The following CNTNAP4 variants were observed in gnomAD, a reference collection of about 807,000 sequenced individuals.
CNTNAP4 encodes contactin associated protein family member 4.
A neutral mutation model predicts 148.4 loss-of-function variants in CNTNAP4; 98 were observed. The ratio of observed to expected loss-of-function variants is 0.66; its 90% CI spans 0.56 to 0.78. The LOEUF is 0.78. Among genes scored for constraint, CNTNAP4 ranks in the 30% least tolerant of loss-of-function variants. The pLI is 0.00. For missense variants in CNTNAP4, 1,935 were observed against 1,565.6 expected (o/e 1.24, Z -3.98); for synonymous variants, 730 against 565.1 (o/e 1.29, Z -4.14).
At chr16:76,302,803 C>T (rs1008084842) in intron 1 of CNTNAP4, among the ~76,000 whole-genome samples, 3 of 146,676 alleles carry the variant, frequency 2.0e-5, no homozygotes, top group Non-Finnish European at 4.6e-5. Context: ...TCTTAGAATT[C>T]TGTCCACTGA....
At chr16:76,473,133 A>G (rs567906827) in intron 10 of CNTNAP4, among the ~76,000 whole-genome samples, 4 of 152,332 alleles carry the variant, frequency 2.6e-5, no homozygotes, top group Non-Finnish European at 5.9e-5. Context: ...TTAAAATTAA[A>G]TAAATCCTGA....
intron 1 of CNTNAP4, among the ~76,000 whole-genome samples, chr16:76,313,220 G>C (rs1190928085): frequency 1.3e-5 from 2 of 152,122 alleles, no homozygotes; most frequent in African/African-American, 4.8e-5. Context: ...ATAAATATAT[G>C]TTCCCTAGAG....
chr16:76,355,547 A>T, intron 3 of CNTNAP4, 36 bp downstream of exon 3: 1 of 1,500,200 alleles, frequency 6.7e-7, no homozygotes, highest in African/African-American at 1.4e-5. Flanking sequence ...TCTCTCGGGG[A>T]AAAAGTATAA....
chr16:76,544,072 C>T (rs532998703), intron 21 of CNTNAP4, among the ~76,000 whole-genome samples: 93 of 152,190 alleles, frequency 6.1e-4, no homozygotes, highest in African/African-American at 2.2e-3. Context: ...GCCTTTGTAT[C>T]GACATGAGTG....
intron 14 of CNTNAP4, among the ~76,000 whole-genome samples, chr16:76,496,038 T>A (rs2082388461): frequency 1.3e-5 from 2 of 151,734 alleles, no homozygotes. Flanking sequence ...TACATCAAGA[T>A]TATATCATAC....
chr16:76,532,438 C>T (rs2084026228), intron 17 of CNTNAP4, among the ~76,000 whole-genome samples: 1 of 152,120 alleles, frequency 6.6e-6, no homozygotes, highest in Non-Finnish European at 1.5e-5. Flanking sequence ...AAAATCAGAA[C>T]AGCTGGAAAT....
intron 3 of CNTNAP4, among the ~76,000 whole-genome samples, chr16:76,415,890 CTT>C (rs1363287843): frequency 1.4e-5 from 2 of 145,482 alleles, no homozygotes; most frequent in Non-Finnish European, 3.0e-5. Flanking sequence ...CAGTTTATGT[CTT>C]TTATTGAGTA....
In CNTNAP4 at chr16:76,553,853, G is replaced by A. The variant is rs184319701; in HGVS notation, c.3679G>A (p.Asp1227Asn). 1.4e-4 allele frequency: 226 copies of A among 1,611,836 alleles called. No homozygotes were observed. In the East Asian group the frequency reaches 4.9e-3, roughly 35 times the overall value. ...AACTGCAGATCATTCTGGAACAATA[G>A]ATGACAGAGAGCCCCTTGCTAATGC... Reference protein sequence around the residue: ...HSFADHSGTIDDREPLANAIK... With the variant: ...HSFADHSGTINDREPLANAIK... The change falls in exon 23 of 24, where the codon GAT becomes AAT. Residue 1227 changes from aspartate (D) to asparagine (N), a missense_variant. By Grantham distance (23) the Asp-to-Asn change is conservative. Coordinates refer to ENST00000611870, the MANE Select transcript of CNTNAP4 (RefSeq NM_033401.5).
chr16:76,285,997 C>T (rs910823730), intron 1 of CNTNAP4, among the ~76,000 whole-genome samples: 10 of 152,014 alleles, frequency 6.6e-5, no homozygotes, highest in Non-Finnish European at 1.0e-4. Flanking sequence ...AGGCTAATAG[C>T]TTTGCTCTAA....
chr16:76,495,865 T>G (rs370265696), intron 14 of CNTNAP4, among the ~76,000 whole-genome samples: 2 of 152,188 alleles, frequency 1.3e-5, no homozygotes, highest in African/African-American at 4.8e-5. Context: ...CAATGCATAC[T>G]GATTACAGTG....
intron 3 of CNTNAP4, among the ~76,000 whole-genome samples, chr16:76,384,933 T>A (rs1423125083): frequency 1.3e-5 from 2 of 152,184 alleles, no homozygotes; most frequent in African/African-American, 2.4e-5. Flanking sequence ...AGTATTTAAA[T>A]TTTTTAAAAA....
intron 13 of CNTNAP4, among the ~76,000 whole-genome samples, chr16:76,494,615 T>C (rs1290998678): frequency 6.6e-6 from 1 of 152,216 alleles, no homozygotes; most frequent in African/African-American, 2.4e-5. Flanking sequence ...ATATGTGAGC[T>C]GCTCTCAATT....
At chr16:76,370,862 A>T (rs1473576562) in intron 3 of CNTNAP4, among the ~76,000 whole-genome samples, 2 of 152,174 alleles carry the variant, frequency 1.3e-5, no homozygotes, top group African/African-American at 4.8e-5. Flanking sequence ...GGAAATTGAG[A>T]TTTAAGATAA....
At chr16:76,450,091 G>A (rs1394989726) in intron 7 of CNTNAP4, among the ~76,000 whole-genome samples, 1 of 151,858 alleles carries the variant, frequency 6.6e-6, no homozygotes, top group Admixed American at 6.6e-5. Context: ...TTTTATGGTT[G>A]ATATTTTAAT....
intron 2 of CNTNAP4, among the ~76,000 whole-genome samples, chr16:76,338,180 A>G (rs1964177232): frequency 1.3e-5 from 2 of 152,182 alleles, no homozygotes; most frequent in South Asian, 2.1e-4. Context: ...ATGTTCAGAG[A>G]TTGCAGTAAG....
Position 76,535,657 on chromosome 16 carries a change from A to G in CNTNAP4, c.2868A>G (p.Pro956=), listed in dbSNP as rs183422965. 1.8e-5 allele frequency: 29 copies of G among 1,614,056 alleles called. No individual in the cohort carries two copies. In the Admixed American group the frequency reaches 4.2e-4, roughly 23 times the overall value. Residue 956 remains proline (P), a synonymous_variant, in exon 18 of 24, where the codon CCA becomes CCG. Coordinates refer to ENST00000611870, the MANE Select transcript of CNTNAP4 (RefSeq NM_033401.5). ...ERAQVTPEVQ[P]GCRGHCSSYG... is the part of the protein sequence containing the mutation. The stretch of plus-strand genomic sequence containing the variant: ...CCCAGGTGACTCCAGAAGTGCAGCC[A>G]GGTTGTAGGGGACATTGCAGCAGCT...
intron 4 of CNTNAP4, among the ~76,000 whole-genome samples, chr16:76,430,318 A>G (rs1041041762): frequency 1.1e-4 from 16 of 152,182 alleles, no homozygotes; most frequent in Admixed American, 7.2e-4. Context: ...AGAATTATCT[A>G]CTGAATAAGA....
intron 8 of CNTNAP4, among the ~76,000 whole-genome samples, chr16:76,458,588 G>C (rs1346400513): frequency 6.6e-6 from 1 of 152,048 alleles, no homozygotes; most frequent in East Asian, 1.9e-4. Flanking sequence ...CGCATGTGCA[G>C]TTCACAATAG....
intron 1 of CNTNAP4, among the ~76,000 whole-genome samples, chr16:76,286,318 G>A (rs1253585649): frequency 6.6e-6 from 1 of 151,878 alleles, no homozygotes; most frequent in African/African-American, 2.4e-5. Context: ...ATAGTGATGG[G>A]ATGTAGAATA....
Sources: allele counts gnomAD v4.1 joint callset (sites outside exome capture counted in the v4.1 genomes callset), GRCh38; gene constraint gnomAD v4.1.1; transcripts MANE v1.5; gene names NCBI Gene and HGNC (gene_info 2026-07-23, HGNC 2026-07-21).